CMC2: variants seen among roughly 807,000 people sequenced by gnomAD.
CMC2 encodes the protein COX assembly mitochondrial protein 2 homolog.
In CMC2, 5 loss-of-function variants were observed where a neutral mutation model predicts 7.5. The observed-to-expected ratio is 0.66, with a 90% CI of 0.35 to 1.40. The LOEUF is 1.40. CMC2 is among the 40% of genes most tolerant of loss of function. The pLI is 0.04. For synonymous variants in CMC2, 37 were observed against 31.4 expected (o/e 1.18, Z -0.60); for missense variants, 115 against 92.3 (o/e 1.25, Z -1.01).
intron 3 of CMC2, among the ~76,000 whole-genome samples, chr16:80,980,203 A>G (rs1250438013): frequency 6.6e-6 from 1 of 152,248 alleles, no homozygotes; most frequent in Non-Finnish European, 1.5e-5. Flanking sequence ...TACAGATGCC[A>G]GCTCACAAGT....
At chr16:80,977,102 A>T (rs1912478229) in intron 3 of CMC2, among the ~76,000 whole-genome samples, 2 of 152,180 alleles carry the variant, frequency 1.3e-5, no homozygotes, top group Non-Finnish European at 2.9e-5. Flanking sequence ...ATATTATCCT[A>T]TTGACTCATA....
intron 1 of CMC2, 116 bp downstream of exon 1, chr16:81,006,618 G>C (rs1011067436): frequency 8.9e-6 from 7 of 787,272 alleles, no homozygotes; most frequent in Admixed American, 6.3e-5. Flanking sequence ...GGTCTTCCTG[G>C]TCCCCACCTC....
At chr16:81,003,679 G>T (rs1969027423) in intron 1 of CMC2, among the ~76,000 whole-genome samples, 1 of 152,198 alleles carries the variant, frequency 6.6e-6, no homozygotes, top group Admixed American at 6.5e-5. Context: ...AAGAGCTTCT[G>T]ATTGACTACA....
intron 2 of CMC2, chr16:80,988,597 CT>C (rs1967727503): frequency 1.6e-6 from 1 of 631,690 alleles, no homozygotes; most frequent in African/African-American, 2.0e-5. Context: ...TGCACGTTTC[CT>C]AAAAAAAACA....
intron 1 of CMC2, among the ~76,000 whole-genome samples, chr16:81,003,556 C>T (rs1969021028): frequency 6.6e-6 from 1 of 152,170 alleles, no homozygotes; most frequent in South Asian, 2.1e-4. Flanking sequence ...AAAGTCACAA[C>T]CCAACATAAT....
At chr16:80,979,286 C>T (rs188403317) in intron 3 of CMC2, among the ~76,000 whole-genome samples, 193 of 152,102 alleles carry the variant, frequency 1.3e-3, no homozygotes, top group African/African-American at 4.5e-3. Context: ...AATAAAGTAA[C>T]ATAACTACAC....
chr16:81,006,323 G>C (rs1969330987), intron 1 of CMC2, among the ~76,000 whole-genome samples: 1 of 152,246 alleles, frequency 6.6e-6, no homozygotes, highest in Non-Finnish European at 1.5e-5. Flanking sequence ...ATTCTCAATT[G>C]CTAGATAAAC....
chr16:80,998,634 A>C (rs1390096037), intron 1 of CMC2: 1 of 152,224 alleles, frequency 6.6e-6, no homozygotes, highest in Non-Finnish European at 1.5e-5. Flanking sequence ...CCAAGAGTCC[A>C]ACAGACAATG....
intron 3 of CMC2, among the ~76,000 whole-genome samples, chr16:80,981,271 T>C (rs192079852): frequency 6.6e-6 from 1 of 152,332 alleles, no homozygotes; most frequent in Admixed American, 6.5e-5. Context: ...ATGAACTGTG[T>C]ACTGTGGCTA....
intron 3 of CMC2, chr16:80,980,913 A>G: frequency 1.4e-6 from 1 of 689,898 alleles, no homozygotes. Context: ...AAAGAAACAA[A>G]CTATTACTCT....
At chr16:80,989,712 A>C (rs971326722) in intron 2 of CMC2, among the ~76,000 whole-genome samples, 1 of 152,142 alleles carries the variant, frequency 6.6e-6, no homozygotes, top group African/African-American at 2.4e-5. Context: ...TCTATTCTAC[A>C]TCTTATATAT....
chr16:80,993,679 A>G (rs1045892519), intron 2 of CMC2, among the ~76,000 whole-genome samples: 1 of 116,880 alleles, frequency 8.6e-6, no homozygotes, highest in African/African-American at 2.7e-5. Flanking sequence ...CTAATTTAGT[A>G]ATTGGGCTAA....
At chr16:80,990,293 C>T (rs1967876391) in intron 2 of CMC2, among the ~76,000 whole-genome samples, 2 of 152,146 alleles carry the variant, frequency 1.3e-5, no homozygotes, top group African/African-American at 4.8e-5. Context: ...GCCTCAGCCT[C>T]CTGAGTAGCT....
At chr16:80,981,117 T>C (rs1265124149) in intron 3 of CMC2, among the ~76,000 whole-genome samples, 1 of 150,992 alleles carries the variant, frequency 6.6e-6, no homozygotes, top group Non-Finnish European at 1.5e-5. Flanking sequence ...AAAAATGATA[T>C]CTGAAAGGCA....
At chr16:80,985,893 T>C (rs1461039642) in intron 2 of CMC2, among the ~76,000 whole-genome samples, 2 of 63,768 alleles carry the variant, frequency 3.1e-5, no homozygotes, top group South Asian at 8.6e-4. Flanking sequence ...CATTCTCCCA[T>C]ATACCTGCAA....
chr16:80,990,814 G>T (rs1453764349), intron 2 of CMC2, among the ~76,000 whole-genome samples: 4 of 151,880 alleles, frequency 2.6e-5, no homozygotes, highest in Non-Finnish European at 5.9e-5. Context: ...GACCTCCCAG[G>T]CTCAAGTGAT....
At chr16:80,981,301 T>G (rs182940441) in intron 3 of CMC2, among the ~76,000 whole-genome samples, 1 of 152,208 alleles carries the variant, frequency 6.6e-6, no homozygotes, top group South Asian at 2.1e-4. Flanking sequence ...GTCCAAGTTG[T>G]GCCCTAAAAT....
At chr16:80,998,442 G>C (rs1245160047) in intron 1 of CMC2, 1 of 152,110 alleles carries the variant, frequency 6.6e-6, no homozygotes, top group Non-Finnish European at 1.5e-5. Flanking sequence ...TGTAAACTGG[G>C]ATAGCCACTG....
chr16:80,986,825 G>A (rs947202086), intron 2 of CMC2, among the ~76,000 whole-genome samples: 2 of 152,250 alleles, frequency 1.3e-5, no homozygotes, highest in African/African-American at 4.8e-5. Flanking sequence ...GAACAGTTAA[G>A]TCCACTATCT....
Sources: allele counts gnomAD v4.1 joint callset (sites outside exome capture counted in the v4.1 genomes callset), GRCh38; gene constraint gnomAD v4.1.1; transcripts MANE v1.5; gene names NCBI Gene and HGNC (gene_info 2026-07-23, HGNC 2026-07-21).